The following ZC3H12B variants were observed in gnomAD, a reference collection of about 807,000 sequenced individuals.
ZC3H12B encodes zinc finger CCCH-type containing 12B.
A neutral mutation model predicts 43.9 loss-of-function variants in ZC3H12B; 7 were observed. The observed-to-expected ratio is 0.16, with a 90% confidence interval of 0.09 to 0.30. The LOEUF is 0.30. ZC3H12B is among the 10% of genes least tolerant of loss of function. ZC3H12B has a pLI of 1.00. For missense variants in ZC3H12B, 475 were observed against 670.2 expected (o/e 0.71, Z 3.22); for synonymous variants, 222 against 241.7 (o/e 0.92, Z 0.76).
the ZC3H12B span, among the ~76,000 whole-genome samples, chrX:65,322,375 G>T: frequency 2.9e-4 from 33 of 112,149 alleles, 1 homozygote; most frequent in South Asian, 0.011. Flanking sequence ...ATGAGTTTTT[G>T]AGGAGTTAAA....
chrX:65,307,611 G>C, the ZC3H12B span, among the ~76,000 whole-genome samples: 2 of 111,053 alleles, frequency 1.8e-5, no homozygotes, highest in Admixed American at 9.5e-5. Context: ...AATGATCCTG[G>C]GGAAAAAAAT....
At chrX:65,226,976 G>C in the ZC3H12B span, among the ~76,000 whole-genome samples, 2 of 110,887 alleles carry the variant, frequency 1.8e-5, no homozygotes, top group South Asian at 3.9e-4. Context: ...AGATCAACGA[G>C]ACAGAAAGTT....
the ZC3H12B span, among the ~76,000 whole-genome samples, chrX:65,329,141 G>T: frequency 1.9e-4 from 21 of 111,190 alleles, no homozygotes; most frequent in Non-Finnish European, 3.4e-4. Flanking sequence ...TCCACAATGG[G>T]TGAACTAGTT....
At chrX:65,156,426 G>T in the ZC3H12B span, among the ~76,000 whole-genome samples, 2 of 111,777 alleles carry the variant, frequency 1.8e-5, no homozygotes, top group African/African-American at 3.3e-5. Flanking sequence ...CATCGCCCAT[G>T]CTGGAGTGCA....
chrX:65,146,848 A>G, the ZC3H12B span, among the ~76,000 whole-genome samples: 2 of 111,200 alleles, frequency 1.8e-5, no homozygotes, highest in African/African-American at 6.6e-5. Flanking sequence ...TACAAGCACA[A>G]TATTTGGGAT....
the ZC3H12B span, among the ~76,000 whole-genome samples, chrX:65,105,647 T>G: frequency 9.0e-6 from 1 of 111,298 alleles, no homozygotes; most frequent in Non-Finnish European, 1.9e-5. Flanking sequence ...GAAATTTGTT[T>G]TCTGGAATCC....
At chrX:65,447,377 G>T (rs781706656) in intron 3 of ZC3H12B, among the ~76,000 whole-genome samples, 4 of 111,067 alleles carry the variant, frequency 3.6e-5, no homozygotes, top group Non-Finnish European at 5.7e-5. Flanking sequence ...GGCAAAACTG[G>T]ATAGAGACAT....
intron 3 of ZC3H12B, among the ~76,000 whole-genome samples, chrX:65,426,101 T>C (rs1202977552): frequency 9.1e-6 from 1 of 109,594 alleles, no homozygotes; most frequent in Non-Finnish European, 1.9e-5. Flanking sequence ...TTTTTTTTTT[T>C]TCTTGATAGG....
intron 3 of ZC3H12B, among the ~76,000 whole-genome samples, chrX:65,462,593 T>A (rs922283304): frequency 1.8e-5 from 2 of 112,086 alleles, no homozygotes; most frequent in African/African-American, 6.5e-5. Context: ...TTAAAAGACA[T>A]CCCTGAAGTT....
chrX:65,213,079 A>T, the ZC3H12B span, among the ~76,000 whole-genome samples: 1 of 108,214 alleles, frequency 9.2e-6, no homozygotes, highest in Non-Finnish European at 1.9e-5. Flanking sequence ...TACTATTCTG[A>T]TATATACTGT....
chrX:65,207,728 C>T, the ZC3H12B span, among the ~76,000 whole-genome samples: 1 of 81,166 alleles, frequency 1.2e-5, no homozygotes, highest in Non-Finnish European at 2.3e-5. Context: ...TCATTGGTAG[C>T]TTGATGGGGA....
At chrX:65,454,281 T>C (rs2067569612) in intron 3 of ZC3H12B, among the ~76,000 whole-genome samples, 1 of 112,166 alleles carries the variant, frequency 8.9e-6, no homozygotes, top group African/African-American at 3.2e-5. Flanking sequence ...ACTCCCACCC[T>C]AATACTGTGC....
the ZC3H12B span, among the ~76,000 whole-genome samples, chrX:65,109,037 A>G: frequency 9.0e-6 from 1 of 111,730 alleles, no homozygotes; most frequent in South Asian, 3.7e-4. Context: ...CAGTTTTACC[A>G]TGGTGCCAGT....
chrX:65,434,924 C>T (rs2067202746), intron 3 of ZC3H12B, among the ~76,000 whole-genome samples: 1 of 110,890 alleles, frequency 9.0e-6, no homozygotes, highest in Non-Finnish European at 1.9e-5. Flanking sequence ...AAGGCACTTT[C>T]TCTGGAAAAA....
At chrX:65,246,324 G>A in the ZC3H12B span, among the ~76,000 whole-genome samples, 2 of 112,059 alleles carry the variant, frequency 1.8e-5, no homozygotes, top group Non-Finnish European at 1.9e-5. Flanking sequence ...TTATTAAAAT[G>A]GCTATGCTTC....
the ZC3H12B span, among the ~76,000 whole-genome samples, chrX:65,350,007 T>G: frequency 8.9e-6 from 1 of 112,024 alleles, no homozygotes; most frequent in Non-Finnish European, 1.9e-5. Context: ...ACTCATTTTA[T>G]GAAGCCAGCA....
chrX:65,182,721 C>CA, the ZC3H12B span, among the ~76,000 whole-genome samples: 9,509 of 88,971 alleles, frequency 0.11, 1,016 homozygotes, highest in African/African-American at 0.32. Context: ...GTTTCACAAA[C>CA]AAAAAAAAAA....
At chrX:65,207,505 G>A in the ZC3H12B span, among the ~76,000 whole-genome samples, 1 of 110,386 alleles carries the variant, frequency 9.1e-6, no homozygotes, top group Non-Finnish European at 1.9e-5. Flanking sequence ...AAGGGAGTGA[G>A]GGATAAAAGA....
the ZC3H12B span, among the ~76,000 whole-genome samples, chrX:65,219,266 C>A: frequency 9.0e-6 from 1 of 111,612 alleles, no homozygotes; most frequent in Non-Finnish European, 1.9e-5. Flanking sequence ...AAACAAGGTT[C>A]TTTAACTCCC....
Sources: allele counts gnomAD v4.1 joint callset (sites outside exome capture counted in the v4.1 genomes callset), GRCh38; gene constraint gnomAD v4.1.1; transcripts MANE v1.5; gene names NCBI Gene and HGNC (gene_info 2026-07-23, HGNC 2026-07-21).